The following TCEA3 variants were observed in gnomAD, a reference collection of about 807,000 sequenced individuals.
The protein encoded by TCEA3 is transcription elongation factor A3.
In TCEA3, 36 loss-of-function variants were observed where a neutral mutation model predicts 44.0. The observed-to-expected ratio is 0.82, with a 90% CI of 0.63 to 1.08. The LOEUF (loss-of-function observed/expected upper bound fraction) is 1.08, where lower values mean the gene tolerates loss of function less well. TCEA3 is among the 50% of genes least tolerant of loss of function. The probability of loss-of-function intolerance (pLI) is 0.00; values close to 1 mark genes in which losing one functional copy is unlikely to be tolerated. For missense variants in TCEA3, 392 were observed against 441.2 expected (o/e 0.89, Z 1.00); for synonymous variants, 162 against 159.7 (o/e 1.01, Z -0.11).
chr1:23,408,121 C>T (rs1259297694), intron 5 of TCEA3, among the ~76,000 whole-genome samples: 1 of 152,112 alleles, frequency 6.6e-6, no homozygotes, highest in Non-Finnish European at 1.5e-5. Flanking sequence ...ACCACCATGC[C>T]TGGCTAATTT....
At chr1:23,398,885 A>G (rs1244902084) in intron 5 of TCEA3, among the ~76,000 whole-genome samples, 3 of 151,660 alleles carry the variant, frequency 2.0e-5, no homozygotes, top group Admixed American at 6.6e-5. Flanking sequence ...CTCCCACCTT[A>G]GCCTCCAAGG....
intron 4 of TCEA3, among the ~76,000 whole-genome samples, chr1:23,412,641 GA>G (rs766002943): frequency 1.2e-4 from 18 of 151,386 alleles, no homozygotes; most frequent in Non-Finnish European, 2.2e-4. Flanking sequence ...CTGGGAGGCG[GA>G]GGTTGCTGTG....
chr1:23,424,717 C>G lies in TCEA3; in HGVS notation c.-84G>C. ...GCAGGAGGCGCGAAGGCGGAGGGCG[C>G]GCAACCCGCGCGGGCCCCAAACACA... On this transcript the variant is annotated 5_prime_UTR_variant, in exon 1 of 11. Transcript: ENST00000450454. The G allele has an allele frequency of 1.9e-6, 2 of 1,065,048 alleles. No homozygotes were observed. The highest frequency in any genetic ancestry group is 2.7e-6 in the Non-Finnish European group (2 of 727,448). The allele number at this position is 1,065,048 out of a possible 1,614,324, so 66.0% of individuals were successfully genotyped here. A position where few individuals can be genotyped will look rare whatever the true frequency, so the allele number is the denominator to read the frequency against.
intron 9 of TCEA3, among the ~76,000 whole-genome samples, chr1:23,385,136 C>A (rs1033145152): frequency 1.3e-5 from 2 of 152,206 alleles, no homozygotes; most frequent in Admixed American, 1.3e-4. Context: ...GGGTATCCCA[C>A]AGTAAAGCCC....
intron 1 of TCEA3, chr1:23,424,026 G>C: frequency 8.1e-6 from 3 of 368,578 alleles, no homozygotes; most frequent in Admixed American, 3.6e-5. Context: ...CGCTCCTGAC[G>C]CACCAAGCGG....
chr1:23,395,005 G>A (rs1639174183), intron 7 of TCEA3, among the ~76,000 whole-genome samples: 1 of 152,232 alleles, frequency 6.6e-6, no homozygotes, highest in South Asian at 2.1e-4. Context: ...AGATCAGGAA[G>A]ACAAAGCTGT....
At position 23,405,632 on chromosome 1, in the gene TCEA3, C is replaced by A. The variant is rs948540592; in HGVS notation, c.443+3032G>T. Among the ~76,000 whole-genome samples, 4 of 151,886 alleles carry A rather than the reference C, an allele frequency of 2.6e-5. No individual in the cohort carries two copies. In the East Asian group the frequency reaches 7.7e-4, roughly 29 times the overall value. On this transcript the variant is annotated intron_variant, in intron 5 of 10. Coordinates refer to ENST00000450454, the MANE Select transcript of TCEA3 (RefSeq NM_003196.3). ...AAATTAATGAGACTTCCTTGTGTCC[C>A]TTTTGGTTTCCTACCCTCAGTACTG...
At chr1:23,423,260 T>C (rs972990162) in intron 1 of TCEA3, among the ~76,000 whole-genome samples, 1 of 152,218 alleles carries the variant, frequency 6.6e-6, no homozygotes, top group Non-Finnish European at 1.5e-5. Context: ...TGTTCGCCAG[T>C]TCTTAGCAAG....
At chr1:23,410,077 G>A (rs987938225) in intron 4 of TCEA3, among the ~76,000 whole-genome samples, 42 of 152,028 alleles carry the variant, frequency 2.8e-4, no homozygotes, top group Non-Finnish European at 1.8e-4. Context: ...CTGGCTGGAA[G>A]TGCTGGTCAC....
chr1:23,382,315 C>T (rs1344877848), intron 10 of TCEA3, among the ~76,000 whole-genome samples: 1 of 152,230 alleles, frequency 6.6e-6, no homozygotes, highest in Non-Finnish European at 1.5e-5. Flanking sequence ...GCTGGAATTA[C>T]AGGCACGAGC....
At chr1:23,383,429 C>A (rs1638730826) in intron 10 of TCEA3, 1 of 945,440 alleles carries the variant, frequency 1.1e-6, no homozygotes, top group African/African-American at 1.8e-5. Context: ...AGGAACAATT[C>A]TTGTAGTTGT....
intron 8 of TCEA3, among the ~76,000 whole-genome samples, chr1:23,392,713 G>A (rs996903059): frequency 2.1e-3 from 11 of 5,268 alleles, no homozygotes; most frequent in Non-Finnish European, 3.4e-3. Flanking sequence ...TATCATACAT[G>A]CCACACACAT....
rs555616156 is a variant in TCEA3, at chr1:23,423,146, G to A, written c.69+1419C>T. 1.1e-3 allele frequency among the ~76,000 whole-genome samples: 160 copies of A among 152,288 alleles called. 1 individual carries two copies. Among genetic ancestry groups the A allele is most frequent in the African/African-American group, 3.8e-3 (157 of 41,564 alleles). On this transcript the variant is annotated intron_variant, in intron 1 of 10. Coordinates refer to ENST00000450454, the MANE Select transcript of TCEA3 (RefSeq NM_003196.3). Reference sequence around the variant, plus strand: ...TGAGGATTGTGGAGGAGTCTGGAACGGGGAGTGCATGGAGGTTGGGAGTGT... The same window carrying A: ...TGAGGATTGTGGAGGAGTCTGGAACAGGGAGTGCATGGAGGTTGGGAGTGT...
chr1:23,392,664 AC>A (rs879040117), intron 8 of TCEA3, among the ~76,000 whole-genome samples: 2 of 2,292 alleles, frequency 8.7e-4, no homozygotes, highest in African/African-American at 1.6e-3. Flanking sequence ...CATCATACAC[AC>A]CACACACACT....
intron 9 of TCEA3, among the ~76,000 whole-genome samples, 171 bp downstream of exon 9, chr1:23,387,102 C>T (rs1638865569): frequency 2.0e-5 from 3 of 152,210 alleles, no homozygotes; most frequent in Admixed American, 1.3e-4. Flanking sequence ...ATCCACTCGC[C>T]TTGGCCTCCC....
At chr1:23,387,611 C>G (rs767420770) in intron 8 of TCEA3, among the ~76,000 whole-genome samples, 192 bp from the exon 9 acceptor site, 2 of 152,218 alleles carry the variant, frequency 1.3e-5, no homozygotes, top group African/African-American at 4.8e-5. Flanking sequence ...TCCTGCCGCC[C>G]ACGGCTGGAA....
intron 10 of TCEA3, among the ~76,000 whole-genome samples, chr1:23,382,234 C>T (rs752757103): frequency 5.3e-5 from 8 of 151,904 alleles, no homozygotes; most frequent in Non-Finnish European, 8.8e-5. Context: ...TTAGTAGAGA[C>T]GGGGTTTCTC....
chr1:23,384,525 T>C lies in TCEA3; in HGVS notation c.967-108A>G, dbSNP rs184298016. 21 of 1,133,156 alleles carry C rather than the reference T, an allele frequency of 1.9e-5. No individual in the cohort carries two copies. The East Asian group carries it at 5.1e-4, about 27-fold the overall frequency. The allele number at this position is 1,133,156 out of a possible 1,614,324, so 70.2% of individuals were successfully genotyped here. A position where few individuals can be genotyped will look rare whatever the true frequency, so the allele number is the denominator to read the frequency against. ...CAAATCCCAGAGGTTGGCACTGAGA[T>C]TCCCACCCCCCGCTGGCAATTTCCT... On this transcript the variant is annotated intron_variant, in intron 9 of 10. Transcript: ENST00000450454.
At chr1:23,409,423 T>C (rs1479560215) in intron 4 of TCEA3, among the ~76,000 whole-genome samples, 1 of 152,342 alleles carries the variant, frequency 6.6e-6, no homozygotes, top group African/African-American at 2.4e-5. Context: ...TATAATATAG[T>C]TATTCCTTTT....
Sources: gnomAD v4.1 joint callset for allele counts (sites outside exome capture counted in the v4.1 genomes callset) on GRCh38, gnomAD v4.1.1 for gene constraint, MANE v1.5 for transcripts, NCBI Gene and HGNC (gene_info 2026-07-23, HGNC 2026-07-21) for gene names.